The following NLRP4 variants were observed in gnomAD, a reference collection of about 807,000 sequenced individuals.
NLRP4 encodes the protein NLR family pyrin domain containing 4.
In NLRP4, 44 loss-of-function variants were observed where a neutral mutation model predicts 84.7. The observed-to-expected ratio is 0.52, with a 90% confidence interval of 0.41 to 0.67. The LOEUF is 0.67. NLRP4 is among the 30% of genes least tolerant of loss of function. The pLI, the probability that NLRP4 is intolerant of heterozygous loss-of-function variation, is 0.00. For synonymous variants in NLRP4, 544 were observed against 476.4 expected (o/e 1.14, Z -1.85); for missense variants, 1,260 against 1,219.4 (o/e 1.03, Z -0.50).
At chr19:55,877,633 G>A (rs1243228726) in intron 8 of NLRP4, among the ~76,000 whole-genome samples, 1 of 152,204 alleles carries the variant, frequency 6.6e-6, no homozygotes, top group Non-Finnish European at 1.5e-5. Flanking sequence ...TATGGAGGCT[G>A]AAAGTCTGAG....
rs1252034289 is a variant in NLRP4 at position 55,857,656 on chromosome 19, T to C, written c.281-18T>C. Reference sequence around the variant, plus strand: ...TTAACTTTGTGGGTTTTCTCTCCTCTTGCCCTCACTGACTCAGGATACACA... The same window carrying C: ...TTAACTTTGTGGGTTTTCTCTCCTCCTGCCCTCACTGACTCAGGATACACA... On this transcript the variant is annotated intron_variant, in intron 2 of 9. Coordinates refer to ENST00000301295, the MANE Select transcript of NLRP4 (RefSeq NM_134444.5). The C allele has an allele frequency of 2.5e-6, 4 of 1,608,546 alleles. No individual in the cohort carries two copies. In the African/African-American group the frequency reaches 5.3e-5, roughly 21 times the overall value.
chr19:55,858,934 A>G lies in NLRP4; in HGVS notation c.1541A>G (p.Lys514Arg). The change falls in exon 3 of 10, where the codon AAA becomes AGA. Residue 514 changes from lysine (K) to arginine (R), a missense_variant. Around this residue, in one of 3 missense-constraint regions of NLRP4, gnomAD observed 712 missense variants for 669.2 expected, o/e 1.06. Coordinates refer to ENST00000301295, the MANE Select transcript of NLRP4 (RefSeq NM_134444.5). The surrounding 1 kb of genome is among the most constrained non-coding windows in gnomAD (Gnocchi z 4.2). ...CTTTTAAATAAAAAGGAACAAGAAA[A>G]ACTGGATGCGTTTTTTGGCTTCCAA... is the stretch of plus-strand genomic sequence containing the variant. ...TGLLNKKEQEKLDAFFGFQLS... is the reference protein window; with the variant it reads ...TGLLNKKEQERLDAFFGFQLS... The G allele has an allele frequency of 6.2e-7, 1 of 1,614,118 alleles. No homozygotes were observed. Among genetic ancestry groups the G allele is most frequent in the Non-Finnish European group, 8.5e-7 (1 of 1,180,022 alleles).
intron 1 of NLRP4, among the ~76,000 whole-genome samples, chr19:55,839,628 G>A (rs982115636): frequency 5.9e-5 from 9 of 152,122 alleles, no homozygotes; most frequent in Admixed American, 5.9e-4. Flanking sequence ...TGTAGGGTAT[G>A]TAGTGGTGTC....
intron 1 of NLRP4, among the ~76,000 whole-genome samples, chr19:55,844,763 A>G (rs1162124615): frequency 1.3e-5 from 2 of 152,162 alleles, no homozygotes; most frequent in Non-Finnish European, 2.9e-5. Context: ...CGAGTATGCT[A>G]TTTTCAAAAA....
chr19:55,856,304 A>G (rs1278568140), intron 2 of NLRP4, among the ~76,000 whole-genome samples: 1 of 151,778 alleles, frequency 6.6e-6, no homozygotes. Context: ...AACTACAGCA[A>G]CTGGAGACAA....
At chr19:55,871,432 T>C (rs1356543492) in intron 7 of NLRP4, among the ~76,000 whole-genome samples, 1 of 152,164 alleles carries the variant, frequency 6.6e-6, no homozygotes, top group Non-Finnish European at 1.5e-5. Context: ...GAGAATGCTT[T>C]AGAAGAAGAC....
intron 2 of NLRP4, among the ~76,000 whole-genome samples, chr19:55,854,119 G>A (rs374468910): frequency 3.3e-5 from 5 of 151,888 alleles, no homozygotes; most frequent in African/African-American, 1.2e-4. Context: ...TCAGATGCCC[G>A]CCACCACACC....
At chr19:55,866,149 T>G (rs1984947357) in intron 5 of NLRP4, among the ~76,000 whole-genome samples, 1 of 152,154 alleles carries the variant, frequency 6.6e-6, no homozygotes, top group South Asian at 2.1e-4. Flanking sequence ...TTCTTCTGCC[T>G]CAGCCTCCTG....
chr19:55,854,742 G>A lies in NLRP4; in HGVS notation c.280+2382G>A, dbSNP rs75320572. Among the ~76,000 whole-genome samples the A allele has an allele frequency of 2.4e-3, 370 of 151,846 alleles. 5 individuals are homozygous for A. The highest frequency in any genetic ancestry group is 9.1e-3 in the East Asian group (47 of 5,166). The stretch of plus-strand genomic sequence containing the variant: ...AGTCCAATTTTTTTTTCTTTGAGAC[G>A]GAGTTTCACTCTTTCACCCAGGCTG... On this transcript the variant is annotated intron_variant, in intron 2 of 9. Coordinates refer to ENST00000301295, the MANE Select transcript of NLRP4 (RefSeq NM_134444.5).
rs547362998 is a variant in NLRP4, at chr19:55,841,347, CT to C, written c.-66+4418del. Among the ~76,000 whole-genome samples the C allele has an allele frequency of 4.2e-3, 635 of 152,252 alleles. 2 individuals are homozygous for C. Among genetic ancestry groups the C allele is most frequent in the African/African-American group, 0.014 (592 of 41,556 alleles). ...CTACTCTCTACTTCTATAAGTTCAT[CT>C]TTTTAGATTCCCCATATAAATGAGA... On this transcript the variant is annotated intron_variant, in intron 1 of 9. Transcript: ENST00000301295.
chr19:55,849,971 G>A lies in NLRP4; in HGVS notation c.-65-2045G>A, dbSNP rs557857786. On this transcript the variant is annotated intron_variant, in intron 1 of 9. Coordinates refer to ENST00000301295, the MANE Select transcript of NLRP4 (RefSeq NM_134444.5). ...TTTCCGAGACTGCGGTGTAATTTCCGTAGCTGCGGTGTAATTTCCGAGACT... is the reference window on the plus strand; with the variant it reads ...TTTCCGAGACTGCGGTGTAATTTCCATAGCTGCGGTGTAATTTCCGAGACT... Among the ~76,000 whole-genome samples, 342 of 122,042 alleles carry A rather than the reference G, an allele frequency of 2.8e-3. 53 individuals are homozygous for A. The highest frequency in any genetic ancestry group is 3.6e-3 in the African/African-American group (119 of 33,212). The allele number at this position is 122,042 out of a possible 152,430, so 80.1% of individuals were successfully genotyped here.
In NLRP4 at chr19:55,861,468, G is replaced by C; in HGVS notation, c.1939G>C (p.Asp647His). 2 of 1,614,080 alleles carry C rather than the reference G, an allele frequency of 1.2e-6. No individual in the cohort carries two copies. Among genetic ancestry groups the C allele is most frequent in the Non-Finnish European group, 1.7e-6 (2 of 1,179,930 alleles). The change falls in exon 4 of 10, where the codon GAC becomes CAC. Residue 647 changes from aspartate to histidine, a missense_variant. By Grantham distance (81) the Asp-to-His change is moderately conservative. Coordinates refer to ENST00000301295, the MANE Select transcript of NLRP4 (RefSeq NM_134444.5). Reference sequence around the variant, plus strand: ...GCACCTCAGAGAGCTCCAGGTGCAGGACAGCACCCTCAGCGAGTCGACCTT... The same window carrying C: ...GCACCTCAGAGAGCTCCAGGTGCAGCACAGCACCCTCAGCGAGTCGACCTT... ...SGHLRELQVQDSTLSESTFVT... is the reference protein window; with the variant it reads ...SGHLRELQVQHSTLSESTFVT...
At chr19:55,857,630 C>T in intron 2 of NLRP4, 44 bp from the exon 3 acceptor site, 1 of 1,582,984 alleles carries the variant, frequency 6.3e-7, no homozygotes. Flanking sequence ...TGCAGGAATG[C>T]TTAACTTTGT....
chr19:55,849,904 AATTTCCGTAGCCGCGGTGTAATTTCCG>A (rs1568658051), intron 1 of NLRP4, among the ~76,000 whole-genome samples: 3 of 137,816 alleles, frequency 2.2e-5, no homozygotes, highest in African/African-American at 9.6e-5. Flanking sequence ...CCGGCGGTGT[AATTTCCGTAGCCGCGGTGTAATTTCCG>A]TAGCCGCGGT....
At chr19:55,867,930 C>T in intron 6 of NLRP4, 54 bp downstream of exon 6, 3 of 1,516,866 alleles carry the variant, frequency 2.0e-6, no homozygotes, top group South Asian at 2.3e-5. Flanking sequence ...CAGTTCAAAC[C>T]TGGGCCTATT....
intron 2 of NLRP4, among the ~76,000 whole-genome samples, chr19:55,854,266 C>G (rs1271835889): frequency 6.6e-6 from 1 of 152,188 alleles, no homozygotes; most frequent in Admixed American, 6.5e-5. Flanking sequence ...GCCACCATGC[C>G]TGGCCTTGAT....
chr19:55,877,215 G>C, intron 8 of NLRP4, 49 bp downstream of exon 8: 1 of 1,523,140 alleles, frequency 6.6e-7, no homozygotes, highest in Non-Finnish European at 9.1e-7. Context: ...GGCAAAGACG[G>C]AAAATGGATG....
intron 5 of NLRP4, among the ~76,000 whole-genome samples, chr19:55,864,737 TTTA>T (rs1472920502): frequency 2.0e-5 from 3 of 152,068 alleles, no homozygotes; most frequent in Non-Finnish European, 4.4e-5. Flanking sequence ...TTACTTATAT[TTTA>T]TTATTACTTA....
intron 6 of NLRP4, among the ~76,000 whole-genome samples, chr19:55,868,263 CG>C (rs1985039792): frequency 6.6e-6 from 1 of 151,982 alleles, no homozygotes; most frequent in African/African-American, 2.4e-5. Flanking sequence ...AGGACAGTAG[CG>C]GGGAAAAATG....
Sources: allele counts gnomAD v4.1 joint callset (sites outside exome capture counted in the v4.1 genomes callset), GRCh38; gene constraint gnomAD v4.1.1; regional missense constraint gnomAD v4.1.1; non-coding constraint Gnocchi (gnomAD v3.1); transcripts MANE v1.5; gene names NCBI Gene and HGNC (gene_info 2026-07-23, HGNC 2026-07-21).